SORCS2: variants seen among roughly 807,000 people sequenced by gnomAD.
SORCS2 encodes the protein VPS10 domain-containing receptor SorCS2.
A neutral mutation model predicts 141.6 loss-of-function variants in SORCS2; 100 were observed. That is an observed-to-expected ratio of 0.71 (90% CI 0.60 to 0.83). SORCS2 has a LOEUF of 0.83. Among genes scored for constraint, SORCS2 ranks in the 40% least tolerant of loss-of-function variants. The pLI, the probability that SORCS2 is intolerant of heterozygous loss-of-function variation, is 0.00. For missense variants in SORCS2, 1,646 were observed against 1,560.2 expected (o/e 1.05, Z -0.93); for synonymous variants, 789 against 676.9 (o/e 1.17, Z -2.57).
intron 1 of SORCS2, among the ~76,000 whole-genome samples, chr4:7,311,267 C>G (rs1378811198): frequency 6.6e-6 from 1 of 152,188 alleles, no homozygotes; most frequent in Non-Finnish European, 1.5e-5. Context: ...TTGTTCGTTC[C>G]CTTTTATTCC....
At chr4:7,495,189 A>G (rs1731537545) in intron 2 of SORCS2, among the ~76,000 whole-genome samples, 2 of 152,178 alleles carry the variant, frequency 1.3e-5, no homozygotes, top group Non-Finnish European at 1.5e-5. Context: ...CTTGCCCCAG[A>G]CTAAATGCTG....
At position 7,741,153 on chromosome 4, in the gene SORCS2, G is replaced by A. The variant is rs1712637172; in HGVS notation, c.*889G>A. 2.5e-6 allele frequency: 1 copy of A among 398,528 alleles called. No individual in the cohort carries two copies. The highest frequency in any genetic ancestry group is 1.3e-4 in the South Asian group (1 of 7,858). 24.7% of individuals were successfully genotyped at this position (398,528 alleles called of 1,614,324 possible). On this transcript the variant is annotated 3_prime_UTR_variant, in exon 27 of 27. Coordinates refer to ENST00000507866, the MANE Select transcript of SORCS2 (RefSeq NM_020777.3). Reference sequence around the variant, plus strand: ...GCCAGATGCCCCCAGAAAGGTGGGTGGTGGAGACGGCACCAGATGTACCAG... The same window carrying A: ...GCCAGATGCCCCCAGAAAGGTGGGTAGTGGAGACGGCACCAGATGTACCAG...
chr4:7,390,636 C>T (rs2109098210), intron 1 of SORCS2, among the ~76,000 whole-genome samples: 1 of 152,300 alleles, frequency 6.6e-6, no homozygotes, highest in African/African-American at 2.4e-5. Flanking sequence ...TGCACAAGAG[C>T]AGAGGGAAGT....
rs560495424 is a variant in SORCS2, at chr4:7,421,908, G to A, written c.548+25553G>A. Among the ~76,000 whole-genome samples, 318 of 106,914 alleles carry A rather than the reference G, an allele frequency of 3.0e-3. 1 individual carries two copies. The highest frequency in any genetic ancestry group is 9.4e-3 in the African/African-American group (294 of 31,234). The allele number at this position is 106,914 out of a possible 152,430, so 70.1% of individuals were successfully genotyped here. On this transcript the variant is annotated intron_variant, in intron 2 of 26. Coordinates refer to ENST00000507866, the MANE Select transcript of SORCS2 (RefSeq NM_020777.3). ...GGGCTTGCAGGAGAGGGAGGGCAGG[G>A]GCTGGGGCGGGGCTGGGCATCACGC... is the stretch of plus-strand genomic sequence containing the variant.
intron 1 of SORCS2, among the ~76,000 whole-genome samples, chr4:7,265,996 T>C (rs745626427): frequency 6.6e-6 from 1 of 152,166 alleles, no homozygotes; most frequent in African/African-American, 2.4e-5. Context: ...CTACTCTTCC[T>C]CCGTGTCATC....
chr4:7,571,885 C>T (rs979652711), intron 3 of SORCS2, among the ~76,000 whole-genome samples: 3 of 152,210 alleles, frequency 2.0e-5, no homozygotes, highest in South Asian at 2.1e-4. Flanking sequence ...CGACCCCCCT[C>T]GCGGTGCCAG....
chr4:7,736,576 G>A (rs978822878), intron 25 of SORCS2, among the ~76,000 whole-genome samples: 4 of 152,160 alleles, frequency 2.6e-5, no homozygotes, highest in Non-Finnish European at 1.5e-5. Flanking sequence ...AGGCAGCGGG[G>A]CTGTGCCCAC....
intron 25 of SORCS2, among the ~76,000 whole-genome samples, chr4:7,735,052 C>A (rs916363107): frequency 6.6e-6 from 1 of 152,254 alleles, no homozygotes; most frequent in African/African-American, 2.4e-5. Flanking sequence ...GGCCACCCTG[C>A]AGGGGCTGGA....
chr4:7,470,182 A>G (rs1264567350), intron 2 of SORCS2, among the ~76,000 whole-genome samples: 1 of 151,016 alleles, frequency 6.6e-6, no homozygotes, highest in Non-Finnish European at 1.5e-5. Context: ...CCATCCTCCC[A>G]TCCTCCCATC....
At chr4:7,557,256 A>C (rs1473733674) in intron 3 of SORCS2, among the ~76,000 whole-genome samples, 1 of 152,092 alleles carries the variant, frequency 6.6e-6, no homozygotes, top group African/African-American at 2.4e-5. Flanking sequence ...TCTTAGCTTC[A>C]TTACCCAGTT....
Position 7,199,076 on chromosome 4 carries a change from GTCCCCA to G in SORCS2, c.480+5954_480+5959del, listed in dbSNP as rs548039032. Among the ~76,000 whole-genome samples the G allele has an allele frequency of 4.2e-3, 645 of 152,314 alleles. 7 individuals carry two copies. Among genetic ancestry groups the G allele is most frequent in the African/African-American group, 0.015 (618 of 41,554 alleles). The stretch of plus-strand genomic sequence containing the variant: ...GGTCTGCTGGGTGCACTTTGCGGAA[GTCCCCA>G]TCCTTCTGATTCTCCTGTGAGCCGG... On this transcript the variant is annotated intron_variant, in intron 1 of 26. Transcript: ENST00000507866.
chr4:7,454,082 T>C (rs1320827656), intron 2 of SORCS2, among the ~76,000 whole-genome samples: 1 of 84,136 alleles, frequency 1.2e-5, no homozygotes, highest in Non-Finnish European at 2.3e-5. Flanking sequence ...TGGGGTCAGG[T>C]GCTGTGTGTT....
chr4:7,555,857 T>G (rs551558892), intron 3 of SORCS2, among the ~76,000 whole-genome samples: 2 of 152,234 alleles, frequency 1.3e-5, no homozygotes, highest in South Asian at 2.1e-4. Flanking sequence ...AAGGTCAGTG[T>G]GACAGCAGGT....
chr4:7,262,588 A>G (rs1208748149), intron 1 of SORCS2, among the ~76,000 whole-genome samples: 1 of 152,244 alleles, frequency 6.6e-6, no homozygotes, highest in Admixed American at 6.5e-5. Flanking sequence ...GCTGGTAGCA[A>G]TAGGTTCTAT....
At chr4:7,213,675 G>C (rs1010313726) in intron 1 of SORCS2, among the ~76,000 whole-genome samples, 7 of 152,220 alleles carry the variant, frequency 4.6e-5, no homozygotes, top group Admixed American at 4.6e-4. Flanking sequence ...TGAGAAAGCC[G>C]AGGCCCAGGA....
intron 3 of SORCS2, among the ~76,000 whole-genome samples, chr4:7,545,664 C>G (rs1713200104): frequency 6.6e-6 from 1 of 152,162 alleles, no homozygotes; most frequent in East Asian, 1.9e-4. Flanking sequence ...AAACCCAGAC[C>G]CACCCCGCTG....
At chr4:7,243,978 A>G (rs1463738311) in intron 1 of SORCS2, among the ~76,000 whole-genome samples, 1 of 152,218 alleles carries the variant, frequency 6.6e-6, no homozygotes, top group Non-Finnish European at 1.5e-5. Flanking sequence ...GGCCATGGCC[A>G]GAAGGAAATG....
chr4:7,404,360 A>G (rs1202412809), intron 2 of SORCS2, among the ~76,000 whole-genome samples: 1 of 152,072 alleles, frequency 6.6e-6, no homozygotes, highest in African/African-American at 2.4e-5. Context: ...TCCTCTGGGT[A>G]GGTACCTAGT....
At chr4:7,488,774 T>A (rs900964370) in intron 2 of SORCS2, among the ~76,000 whole-genome samples, 6 of 152,234 alleles carry the variant, frequency 3.9e-5, no homozygotes, top group Non-Finnish European at 5.9e-5. Flanking sequence ...ACATCCTGAC[T>A]GCTTCCTGTT....
Sources: allele counts gnomAD v4.1 joint callset (sites outside exome capture counted in the v4.1 genomes callset), GRCh38; gene constraint gnomAD v4.1.1; transcripts MANE v1.5; gene names NCBI Gene and HGNC (gene_info 2026-07-23, HGNC 2026-07-21).